PLPP3: variants seen among roughly 807,000 people sequenced by gnomAD.
The protein encoded by PLPP3 is phospholipid phosphatase 3.
In PLPP3, 6 loss-of-function variants were observed where a neutral mutation model predicts 29.6. The ratio of observed to expected loss-of-function variants is 0.20; its 90% CI spans 0.11 to 0.40. The LOEUF is 0.40. PLPP3 is among the 10% of genes least tolerant of loss of function. The pLI, the probability that PLPP3 is intolerant of heterozygous loss-of-function variation, is 1.00. For synonymous variants in PLPP3, 152 were observed against 159.7 expected (o/e 0.95, Z 0.36); for missense variants, 308 against 407.7 (o/e 0.76, Z 2.11).
chr1:56,569,919 G>T (rs1022848893), intron 1 of PLPP3, among the ~76,000 whole-genome samples: 3 of 152,078 alleles, frequency 2.0e-5, no homozygotes, highest in Non-Finnish European at 4.4e-5. Flanking sequence ...TATTTATCTT[G>T]CAAGACCCAG....
At chr1:56,520,219 T>C (rs993571434) in intron 4 of PLPP3, among the ~76,000 whole-genome samples, 5 of 152,196 alleles carry the variant, frequency 3.3e-5, no homozygotes, top group Non-Finnish European at 7.3e-5. Flanking sequence ...ATGAGTATGC[T>C]GAGGCTCTAA....
intron 1 of PLPP3, among the ~76,000 whole-genome samples, chr1:56,566,211 C>T (rs1167748655): frequency 6.6e-6 from 1 of 152,134 alleles, no homozygotes; most frequent in Non-Finnish European, 1.5e-5. Flanking sequence ...TCATTTTGGA[C>T]GACGCTTCAG....
chr1:56,576,428 G>C (rs1646236219), intron 1 of PLPP3, among the ~76,000 whole-genome samples: 1 of 152,034 alleles, frequency 6.6e-6, no homozygotes, highest in Non-Finnish European at 1.5e-5. Context: ...TTTTTCTTTT[G>C]GAAGCCAAAT....
chr1:56,512,686 G>A (rs1156500133), intron 4 of PLPP3: 1 of 152,182 alleles, frequency 6.6e-6, no homozygotes, highest in African/African-American at 2.4e-5. Context: ...CTAAAAAATA[G>A]GAAAAATAGA....
intron 1 of PLPP3, among the ~76,000 whole-genome samples, chr1:56,540,427 A>G (rs1264342070): frequency 6.6e-6 from 1 of 152,094 alleles, no homozygotes; most frequent in East Asian, 1.9e-4. Flanking sequence ...ACACTCAATG[A>G]ATGTTAAAAA....
At chr1:56,499,070 C>T (rs1444136852) in intron 5 of PLPP3, among the ~76,000 whole-genome samples, 1 of 62,128 alleles carries the variant, frequency 1.6e-5, no homozygotes, top group African/African-American at 8.3e-5. Context: ...GACAGCTCCC[C>T]CGTCCCCCCC....
intron 4 of PLPP3, among the ~76,000 whole-genome samples, chr1:56,520,500 C>T (rs148930376): frequency 2.6e-5 from 4 of 152,136 alleles, no homozygotes; most frequent in Non-Finnish European, 4.4e-5. Context: ...AAGGGCTTCT[C>T]GGACTGACTG....
chr1:56,509,597 T>C (rs1338051605), intron 5 of PLPP3, among the ~76,000 whole-genome samples: 1 of 152,064 alleles, frequency 6.6e-6, no homozygotes, highest in African/African-American at 2.4e-5. Flanking sequence ...CCCAGCACTT[T>C]TGGAGGCTGA....
rs778010038 is a variant in PLPP3 at position 56,578,982 on chromosome 1, G to T, written c.35C>A (p.Pro12Gln). 1 of 1,602,222 alleles carries T rather than the reference G, an allele frequency of 6.2e-7. No homozygotes were observed. Among genetic ancestry groups the T allele is most frequent in the South Asian group, 1.1e-5 (1 of 90,328 alleles). ...QNYKYDKAIV[P>Q]ESKNGGSPAL... is the part of the protein sequence containing the mutation. ...CGGGCTGCCGCCGTTCTTGCTCTCC[G>T]GGACGATCGCTTTGTCGTACTTGTA... Residue 12 changes from proline to glutamine, a missense_variant, in exon 1 of 6, where the codon CCG becomes CAG. Coordinates refer to ENST00000371250, the MANE Select transcript of PLPP3 (RefSeq NM_003713.5).
chr1:56,555,084 T>C (rs900273495), intron 1 of PLPP3, among the ~76,000 whole-genome samples: 1 of 152,092 alleles, frequency 6.6e-6, no homozygotes, highest in South Asian at 2.1e-4. Flanking sequence ...GAGTTGTAAT[T>C]TGCCAAATGA....
At chr1:56,557,041 AG>A (rs1443464085) in intron 1 of PLPP3, among the ~76,000 whole-genome samples, 4 of 53,174 alleles carry the variant, frequency 7.5e-5, no homozygotes, top group African/African-American at 2.1e-4. Flanking sequence ...AGAGAGAGAG[AG>A]AGAGAGAGAG....
chr1:56,571,269 CTT>C (rs1280159238), intron 1 of PLPP3, among the ~76,000 whole-genome samples: 2 of 152,240 alleles, frequency 1.3e-5, no homozygotes, highest in Non-Finnish European at 2.9e-5. Context: ...GCAACTACCT[CTT>C]GAGTGTCTCT....
rs765299795 is a variant in PLPP3, at chr1:56,536,937, CAG to C, written c.297+16_297+17del. 4.3e-6 allele frequency: 7 copies of C among 1,612,834 alleles called. No individual in the cohort carries two copies. Among genetic ancestry groups the C allele is most frequent in the Non-Finnish European group, 5.9e-6 (7 of 1,179,290 alleles). On this transcript the variant is annotated intron_variant, in intron 2 of 5. Transcript: ENST00000371250. Reference sequence around the variant, plus strand: ...AGAAGTCAGACAGGATCCACCATAGCAGAGTCTGGACACTTACCGCGAGGATG... The same window carrying C: ...AGAAGTCAGACAGGATCCACCATAGCAGTCTGGACACTTACCGCGAGGATG...
At chr1:56,505,082 A>C (rs887930084) in intron 5 of PLPP3, among the ~76,000 whole-genome samples, 1 of 152,236 alleles carries the variant, frequency 6.6e-6, no homozygotes, top group Non-Finnish European at 1.5e-5. Flanking sequence ...TGTATTTCTT[A>C]TTATAGATGG....
chr1:56,515,421 G>A (rs543721466), intron 4 of PLPP3, among the ~76,000 whole-genome samples: 4 of 152,260 alleles, frequency 2.6e-5, no homozygotes, highest in Admixed American at 1.3e-4. Flanking sequence ...GAGGAAGGGC[G>A]TGTTTCCCAA....
chr1:56,560,094 C>T (rs1159258243), intron 1 of PLPP3, among the ~76,000 whole-genome samples: 1 of 152,174 alleles, frequency 6.6e-6, no homozygotes, highest in Non-Finnish European at 1.5e-5. Flanking sequence ...AACTCGGCTA[C>T]CTCTATACAG....
intron 2 of PLPP3, among the ~76,000 whole-genome samples, chr1:56,531,207 C>T (rs1201762901): frequency 6.6e-6 from 1 of 152,174 alleles, no homozygotes; most frequent in East Asian, 1.9e-4. Flanking sequence ...TTTATTTAGA[C>T]CTCAGACAAT....
intron 5 of PLPP3, among the ~76,000 whole-genome samples, chr1:56,505,414 C>G (rs1645695872): frequency 6.6e-6 from 1 of 152,178 alleles, no homozygotes; most frequent in African/African-American, 2.4e-5. Context: ...AGCAGGGGAA[C>G]AAGAAAGGAA....
chr1:56,578,780 C>A (rs566323008), intron 1 of PLPP3, 98 bp downstream of exon 1: 1 of 1,220,596 alleles, frequency 8.2e-7, no homozygotes, highest in African/African-American at 1.6e-5. Context: ...GAGCTGACGG[C>A]GCGGCGCGGC....
Sources: gnomAD v4.1 joint callset for allele counts (sites outside exome capture counted in the v4.1 genomes callset) on GRCh38, gnomAD v4.1.1 for gene constraint, MANE v1.5 for transcripts, NCBI Gene and HGNC (gene_info 2026-07-23, HGNC 2026-07-21) for gene names.